The following ATP10B variants were observed in gnomAD, a reference collection of about 807,000 sequenced individuals.
The protein encoded by ATP10B is ATPase phospholipid transporting 10B (putative).
Under a neutral mutation model 141.2 loss-of-function variants are expected in ATP10B, and 122 were observed. The observed-to-expected ratio is 0.86, with a 90% CI of 0.75 to 1.00. The LOEUF (loss-of-function observed/expected upper bound fraction) is 1.00. Ranked by LOEUF, ATP10B falls within the 50% of genes least tolerant of loss-of-function variation. ATP10B has a pLI of 0.00. For synonymous variants in ATP10B, 685 were observed against 692.0 expected, an observed-to-expected ratio of 0.99 and a Z score of 0.16; for missense variants, 1,876 against 1,825.3, an observed-to-expected ratio of 1.03 and a Z score of -0.51.
At chr5:160,913,643 A>G in the ATP10B span, among the ~76,000 whole-genome samples, 5 of 152,138 alleles carry the variant, frequency 3.3e-5, no homozygotes, top group Admixed American at 3.3e-4. Context: ...CTAAGAAGAA[A>G]GTGCTGGCAA....
intron 3 of ATP10B, among the ~76,000 whole-genome samples, chr5:160,705,070 C>T (rs1402490703): frequency 6.6e-6 from 1 of 151,818 alleles, no homozygotes; most frequent in Non-Finnish European, 1.5e-5. Context: ...AGGCGCCCAC[C>T]ACCACACCCG....
chr5:160,687,948 T>A lies in ATP10B; in HGVS notation c.127A>T (p.Thr43Ser), dbSNP rs764105500. ...TTGGGGAACACGACCCGCTGCTGTG[T>A]CAAGTTGTAGCTCTGTCTCCCTTTC... is the stretch of plus-strand genomic sequence containing the variant. ...PEKGRQSYNL[T>S]QQRVVFPNNS... Residue 43 changes from threonine to serine, a missense_variant, in exon 5 of 26, where the codon ACA becomes TCA. By Grantham distance (58) the Thr-to-Ser change is moderately conservative (BLOSUM62 1). Coordinates refer to ENST00000327245, the MANE Select transcript of ATP10B (RefSeq NM_025153.3). The A allele has an allele frequency of 2.1e-5, 34 of 1,614,028 alleles. No individual in the cohort carries two copies. The highest frequency in any genetic ancestry group is 2.6e-5 in the Non-Finnish European group (31 of 1,180,038).
chr5:160,882,180 T>C, the ATP10B span, among the ~76,000 whole-genome samples: 1 of 152,200 alleles, frequency 6.6e-6, no homozygotes, highest in Non-Finnish European at 1.5e-5. Context: ...TAATGATAGA[T>C]ACATATCATT....
Position 160,670,618 on chromosome 5 carries a change from C to T in ATP10B, c.520G>A (p.Asp174Asn). The change falls in exon 7 of 26, where the codon GAC becomes AAC. Residue 174 changes from aspartate to asparagine, a missense_variant. Transcript: ENST00000327245. ...QKCWKDVRVG[D>N]FIQMKCNEIV... ...TCATTGCATTTCATTTGGATGAAGT[C>T]TCCCACGCGCACATCCTTCCAGCAC... is the stretch of plus-strand genomic sequence containing the variant. 2 of 1,613,860 alleles carry T rather than the reference C, an allele frequency of 1.2e-6. No homozygotes were observed. The highest frequency in any genetic ancestry group is 8.5e-7 in the Non-Finnish European group (1 of 1,179,846).
At chr5:160,898,176 T>C in the ATP10B span, among the ~76,000 whole-genome samples, 24 of 152,172 alleles carry the variant, frequency 1.6e-4, no homozygotes. Flanking sequence ...AAAGAGCTTC[T>C]GCACAGCAAA....
chr5:160,742,452 C>T (rs1377281262), intron 2 of ATP10B, among the ~76,000 whole-genome samples: 1 of 151,848 alleles, frequency 6.6e-6, no homozygotes, highest in African/African-American at 2.4e-5. Context: ...GGCTTTTATC[C>T]TCATACTGGG....
At chr5:160,910,096 G>A in the ATP10B span, among the ~76,000 whole-genome samples, 4,903 of 151,804 alleles carry the variant, frequency 0.032, 247 homozygotes, top group East Asian at 0.23. Context: ...TCCTTATCCC[G>A]CCCCTCCCTT....
rs1243115530 is a variant in ATP10B, at chr5:160,662,353, A to G, written c.675+8110T>C. ...GCATTGCCAAGTCAATCCTAAGCCA[A>G]AAGAACAAAGCTGGAGGCATCATGC... On this transcript the variant is annotated intron_variant, in intron 7 of 25. Transcript: ENST00000327245. Among the ~76,000 whole-genome samples the G allele has an allele frequency of 9.8e-5, 15 of 152,360 alleles. No individual in the cohort carries two copies. In the East Asian group the frequency reaches 2.9e-3, roughly 29 times the overall value.
intron 2 of ATP10B, among the ~76,000 whole-genome samples, chr5:160,778,043 A>G (rs1248124896): frequency 1.3e-5 from 2 of 152,242 alleles, no homozygotes; most frequent in African/African-American, 4.8e-5. Context: ...GGATACACAC[A>G]TACAAAGTGG....
chr5:160,842,966 T>C (rs1581639994), intron 1 of ATP10B, among the ~76,000 whole-genome samples: 1 of 152,172 alleles, frequency 6.6e-6, no homozygotes, highest in Middle Eastern at 3.4e-3. Context: ...AGAGCATTGA[T>C]ACCAAAAGCA....
intron 2 of ATP10B, among the ~76,000 whole-genome samples, chr5:160,743,556 T>G (rs1184849721): frequency 6.6e-6 from 1 of 152,188 alleles, no homozygotes; most frequent in Non-Finnish European, 1.5e-5. Flanking sequence ...AAGCTAATTT[T>G]TTTTTAGCAA....
rs1318008145 is a variant in ATP10B, at chr5:160,838,827, G to A, written c.-576+13114C>T. Among the ~76,000 whole-genome samples the A allele has an allele frequency of 3.3e-5, 5 of 152,146 alleles. No homozygotes were observed. The South Asian group carries it at 1.0e-3, about 32-fold the overall frequency. On this transcript the variant is annotated intron_variant, in intron 1 of 25. Coordinates refer to ENST00000327245, the MANE Select transcript of ATP10B (RefSeq NM_025153.3). ...ATGTGATTCCCAGTGTTGGAGGTGG[G>A]ACCTGGTGGAAGGTGATTGGATCAT...
chr5:160,753,742 T>A (rs1406291938), intron 2 of ATP10B, among the ~76,000 whole-genome samples: 1 of 152,236 alleles, frequency 6.6e-6, no homozygotes, highest in Non-Finnish European at 1.5e-5. Flanking sequence ...ATCTTTTTCC[T>A]GGTACTGTTG....
In ATP10B at chr5:160,640,397, G is replaced by C. The variant is rs1384870944; in HGVS notation, c.1000+64C>G. The C allele has an allele frequency of 3.8e-6, 6 of 1,564,170 alleles. No individual in the cohort carries two copies. The African/African-American group carries it at 8.2e-5, about 21-fold the overall frequency. On this transcript the variant is annotated intron_variant, in intron 10 of 25. Transcript: ENST00000327245. ...TTAGCCCTACTTTATAAATGAGGAA[G>C]CTGAAGAAACTTGCCCAAATAAATC...
intron 5 of ATP10B, 30 bp downstream of exon 5, chr5:160,687,770 A>T (rs1238376439): frequency 2.5e-6 from 4 of 1,595,622 alleles, no homozygotes; most frequent in Admixed American, 1.7e-5. Context: ...TTCTCTAAAA[A>T]GAGTATTGTT....
intron 1 of ATP10B, among the ~76,000 whole-genome samples, chr5:160,802,795 T>A (rs1359465074): frequency 6.6e-6 from 1 of 152,192 alleles, no homozygotes; most frequent in East Asian, 1.9e-4. Flanking sequence ...GTGTCAGGAT[T>A]CAAAGTATCA....
chr5:160,614,634 C>G (rs879618965), intron 17 of ATP10B: 5 of 152,320 alleles, frequency 3.3e-5, no homozygotes, highest in Non-Finnish European at 5.9e-5. Context: ...CATAGGAAAC[C>G]AAAGGCTGAA....
chr5:160,830,723 T>C (rs974844976), intron 1 of ATP10B, among the ~76,000 whole-genome samples: 3 of 152,078 alleles, frequency 2.0e-5, no homozygotes, highest in African/African-American at 4.8e-5. Context: ...TTTTATTGCA[T>C]ATTTGACAAC....
At chr5:160,702,801 G>A (rs1011202199) in intron 3 of ATP10B, among the ~76,000 whole-genome samples, 1 of 152,132 alleles carries the variant, frequency 6.6e-6, no homozygotes, top group Non-Finnish European at 1.5e-5. Context: ...GTAACAGGAT[G>A]CTCTGTCTCA....
Sources: allele counts gnomAD v4.1 joint callset (sites outside exome capture counted in the v4.1 genomes callset), GRCh38; gene constraint gnomAD v4.1.1; transcripts MANE v1.5; gene names NCBI Gene and HGNC (gene_info 2026-07-23, HGNC 2026-07-21).